Variants in PHF6 observed in about 807,000 individuals in gnomAD.
PHF6 encodes PHD-like zinc finger protein.
In PHF6, 7 loss-of-function variants were observed where a neutral mutation model predicts 34.0. The observed-to-expected ratio is 0.21, with a 90% CI of 0.12 to 0.39. The LOEUF (loss-of-function observed/expected upper bound fraction) is 0.39. Among genes scored for constraint, PHF6 ranks in the 10% least tolerant of loss-of-function variants. PHF6 has a pLI of 1.00. For synonymous variants in PHF6, 89 were observed against 88.4 expected (o/e 1.01, Z -0.04); for missense variants, 128 against 262.8 (o/e 0.49, Z 3.55).
chrX:134,392,162 A>G (rs1000777141), intron 3 of PHF6, among the ~76,000 whole-genome samples: 1 of 112,187 alleles, frequency 8.9e-6, no homozygotes, highest in African/African-American at 3.2e-5. Context: ...TGGAATTTAT[A>G]TTAGCCTCTT....
intron 5 of PHF6, among the ~76,000 whole-genome samples, chrX:134,412,838 T>C (rs986029185): frequency 1.8e-5 from 2 of 112,402 alleles, no homozygotes; most frequent in Non-Finnish European, 3.8e-5. Flanking sequence ...AAATTCTTTT[T>C]GTACTTAATA....
chrX:134,411,524 TTTA>T (rs1170320651), intron 5 of PHF6, among the ~76,000 whole-genome samples: 1 of 110,486 alleles, frequency 9.1e-6, no homozygotes, highest in Non-Finnish European at 1.9e-5. Context: ...ATCTTATTTG[TTTA>T]TTGTTATTTA....
intron 5 of PHF6, among the ~76,000 whole-genome samples, chrX:134,394,655 T>A (rs1316547962): frequency 9.4e-6 from 1 of 106,590 alleles, no homozygotes; most frequent in Non-Finnish European, 1.9e-5. Flanking sequence ...ATTCTCTGCC[T>A]CAGCCTCCCG....
Position 134,427,620 on chromosome X carries a change from G to A in PHF6, c.*1960G>A, listed in dbSNP as rs1280895228. 3 of 159,375 alleles carry A rather than the reference G, an allele frequency of 1.9e-5. No homozygotes were observed. Among genetic ancestry groups the A allele is most frequent in the Admixed American group, 1.7e-4 (2 of 11,930 alleles). The allele number at this position is 159,375 out of a possible 1,213,427, so 13.1% of individuals were successfully genotyped here. Reference sequence around the variant, plus strand: ...GTAGTAAAATGTATGACTTTGTATGGGTTTCTTCAGCCCTTTTTCTGCCAC... The same window carrying A: ...GTAGTAAAATGTATGACTTTGTATGAGTTTCTTCAGCCCTTTTTCTGCCAC... On this transcript the variant is annotated 3_prime_UTR_variant, in exon 11 of 11. Coordinates refer to ENST00000370803, the MANE Select transcript of PHF6 (RefSeq NM_001015877.2).
At chrX:134,390,600 C>T (rs1380655774) in intron 3 of PHF6, among the ~76,000 whole-genome samples, 4 of 111,893 alleles carry the variant, frequency 3.6e-5, no homozygotes, top group Non-Finnish European at 7.5e-5. Context: ...GACTGAGAGA[C>T]GGGTATTGAA....
At chrX:134,390,189 T>C (rs1228356258) in intron 3 of PHF6, among the ~76,000 whole-genome samples, 2 of 111,983 alleles carry the variant, frequency 1.8e-5, no homozygotes, top group African/African-American at 6.5e-5. Context: ...ATGTAAACAT[T>C]GTATTTTGGC....
In PHF6 at chrX:134,373,332, T is replaced by C; in HGVS notation, c.-182T>C. ...GACGTAAGGGCGCTCCGCGAGCCCG[T>C]CTCTCCTCGAATGAAAGGAAACAAC... is the stretch of plus-strand genomic sequence containing the variant. On this transcript the variant is annotated 5_prime_UTR_variant, in exon 1 of 11. Transcript: ENST00000370803. 8.9e-6 allele frequency: 1 copy of C among 112,377 alleles called. No individual in the cohort carries two copies. The allele number at this position is 112,377 out of a possible 1,213,427, so 9.3% of individuals were successfully genotyped here.
intron 5 of PHF6, among the ~76,000 whole-genome samples, chrX:134,394,868 T>TC (rs1191906765): frequency 1.3e-4 from 14 of 106,753 alleles, no homozygotes; most frequent in African/African-American, 4.8e-4. Context: ...TTTTTCTTTT[T>TC]TTTTTTTGAG....
chrX:134,378,732 G>A (rs1470910653), intron 3 of PHF6, among the ~76,000 whole-genome samples: 3 of 112,176 alleles, frequency 2.7e-5, no homozygotes, highest in Non-Finnish European at 5.6e-5. Context: ...TGGTACTTAT[G>A]ACACATTATG....
intron 9 of PHF6, among the ~76,000 whole-genome samples, chrX:134,423,448 TTTAA>T (rs1313482715): frequency 1.8e-5 from 2 of 111,899 alleles, no homozygotes; most frequent in Non-Finnish European, 3.8e-5. Context: ...GGTTCAGAAG[TTTAA>T]TTAGATTCAG....
chrX:134,382,811 G>T (rs899205943), intron 3 of PHF6, among the ~76,000 whole-genome samples: 1 of 109,998 alleles, frequency 9.1e-6, no homozygotes, highest in Non-Finnish European at 1.9e-5. Context: ...CAGGTGATCC[G>T]CCTGCCTCTG....
At position 134,413,570 on chromosome X, in the gene PHF6, G is replaced by A. The variant is rs1397189155; in HGVS notation, c.498G>A (p.Arg166=). Residue 166 remains arginine (R), a synonymous_variant, in exon 6 of 11, where the codon AGG becomes AGA. Coordinates refer to ENST00000370803, the MANE Select transcript of PHF6 (RefSeq NM_001015877.2). ...PKSKKKSRKG[R]PRKTNFKGLS... Reference sequence around the variant, plus strand: ...GTAAAAAGAAAAGTCGCAAAGGAAGGCCAAGAAAAACTAATTTTAAAGGGC... The same window carrying A: ...GTAAAAAGAAAAGTCGCAAAGGAAGACCAAGAAAAACTAATTTTAAAGGGC... The A allele has an allele frequency of 2.5e-6, 3 of 1,210,963 alleles. No homozygotes were observed. The highest frequency in any genetic ancestry group is 2.2e-5 in the Admixed American group (1 of 45,922).
intron 9 of PHF6, among the ~76,000 whole-genome samples, chrX:134,421,754 A>C (rs1341308096): frequency 1.8e-5 from 2 of 109,938 alleles, no homozygotes; most frequent in Non-Finnish European, 3.8e-5. Context: ...ATTTATAAAA[A>C]CAAGATTTTC....
At chrX:134,394,458 T>C (rs2077368256) in intron 5 of PHF6, among the ~76,000 whole-genome samples, 1 of 110,616 alleles carries the variant, frequency 9.0e-6, no homozygotes. Context: ...AGAAAACTTT[T>C]ACCCCAAAGT....
chrX:134,410,443 T>A lies in PHF6; in HGVS notation c.419-3048T>A, dbSNP rs542841107. Among the ~76,000 whole-genome samples the A allele has an allele frequency of 2.7e-5, 3 of 111,426 alleles. No homozygotes were observed. The South Asian group carries it at 1.1e-3, about 42-fold the overall frequency. ...ATGATATATCACTTAATTTGCACTT[T>A]GATGCTGGAGAAGTTAAATATTTTT... On this transcript the variant is annotated intron_variant, in intron 5 of 10. Transcript: ENST00000370803.
chrX:134,419,699 G>A (rs760215496), intron 9 of PHF6: 111 of 111,599 alleles, frequency 9.9e-4, no homozygotes, highest in African/African-American at 3.4e-3. Flanking sequence ...TACCTGTAGA[G>A]ATTTAAATTT....
chrX:134,414,364 A>G (rs1326760642), intron 7 of PHF6, among the ~76,000 whole-genome samples: 2 of 111,874 alleles, frequency 1.8e-5, no homozygotes, highest in Non-Finnish European at 3.8e-5. Flanking sequence ...ACAATTATTC[A>G]TTTATGAACT....
At chrX:134,392,116 T>A (rs1363974779) in intron 3 of PHF6, among the ~76,000 whole-genome samples, 1 of 112,101 alleles carries the variant, frequency 8.9e-6, no homozygotes. Context: ...AGAGTTTTAG[T>A]GTTTGACTTG....
chrX:134,381,108 C>T lies in PHF6; in HGVS notation c.240+3002C>T, dbSNP rs1372155382. ...CTCACTTGAGACCGTCTGTCCGCCTCGGCCTCCCAAAGTGCGGGGATTCCA... is the reference window on the plus strand; with the variant it reads ...CTCACTTGAGACCGTCTGTCCGCCTTGGCCTCCCAAAGTGCGGGGATTCCA... On this transcript the variant is annotated intron_variant, in intron 3 of 10. Coordinates refer to ENST00000370803, the MANE Select transcript of PHF6 (RefSeq NM_001015877.2). Among the ~76,000 whole-genome samples, 7 of 111,295 alleles carry T rather than the reference C, an allele frequency of 6.3e-5. No homozygotes were observed. The Admixed American group carries it at 6.7e-4, about 11-fold the overall frequency.
Sources: gnomAD v4.1 joint callset for allele counts (sites outside exome capture counted in the v4.1 genomes callset) on GRCh38, gnomAD v4.1.1 for gene constraint, MANE v1.5 for transcripts, NCBI Gene and HGNC (gene_info 2026-07-23, HGNC 2026-07-21) for gene names.